CLIC2: variants seen among roughly 807,000 people sequenced by gnomAD.
The protein encoded by CLIC2 is CLIC family member 2.
In CLIC2, 9 loss-of-function variants were observed where a neutral mutation model predicts 14.8. The ratio of observed to expected loss-of-function variants is 0.61; its 90% CI spans 0.37 to 1.06. The LOEUF (loss-of-function observed/expected upper bound fraction) is 1.06, where lower values mean the gene tolerates loss of function less well. Ranked by LOEUF, CLIC2 falls within the 50% of genes least tolerant of loss-of-function variation. CLIC2 has a pLI of 0.01. For missense variants in CLIC2, 148 were observed against 181.4 expected (o/e 0.82, Z 1.06); for synonymous variants, 61 against 66.3 (o/e 0.92, Z 0.39).
At chrX:155,304,644 G>A (rs1263953619) in intron 1 of CLIC2, among the ~76,000 whole-genome samples, 1 of 103,645 alleles carries the variant, frequency 9.6e-6, no homozygotes, top group Non-Finnish European at 2.0e-5. Context: ...TCCTTTGGAG[G>A]AGGAGAGGCG....
chrX:155,285,291 G>A (rs1239480076), intron 3 of CLIC2, among the ~76,000 whole-genome samples: 1 of 111,971 alleles, frequency 8.9e-6, no homozygotes, highest in Non-Finnish European at 1.9e-5. Context: ...TGAACCAGTG[G>A]TTGTTGTGTG....
At chrX:155,290,212 A>C (rs2074959045) in intron 3 of CLIC2, 1 of 137,533 alleles carries the variant, frequency 7.3e-6, no homozygotes, top group East Asian at 2.0e-4. Context: ...ATTAATTTAA[A>C]AAGTACATAG....
chrX:155,304,094 G>A (rs782034943), intron 1 of CLIC2, among the ~76,000 whole-genome samples: 107 of 106,607 alleles, frequency 1.0e-3, no homozygotes, highest in Non-Finnish European at 1.7e-3. Context: ...TCTTTGTGGC[G>A]TTCTCTGTAT....
chrX:155,315,031 T>G, intron 1 of CLIC2, among the ~76,000 whole-genome samples: 1 of 111,166 alleles, frequency 9.0e-6, no homozygotes, highest in East Asian at 2.8e-4. Flanking sequence ...GCTTTCAAAT[T>G]AACTGAATCC....
chrX:155,313,948 C>T (rs2075084329), intron 1 of CLIC2, among the ~76,000 whole-genome samples: 1 of 111,260 alleles, frequency 9.0e-6, no homozygotes. Flanking sequence ...CTGTATGACT[C>T]AGCAGAGGCA....
At chrX:155,305,137 A>G (rs1459979836) in intron 1 of CLIC2, among the ~76,000 whole-genome samples, 7 of 111,773 alleles carry the variant, frequency 6.3e-5, no homozygotes, top group Non-Finnish European at 1.1e-4. Context: ...TGCTTTGTTT[A>G]CCTAATCAAG....
intron 3 of CLIC2, among the ~76,000 whole-genome samples, chrX:155,288,319 A>T (rs2074950327): frequency 8.9e-6 from 1 of 112,345 alleles, no homozygotes; most frequent in African/African-American, 3.2e-5. Context: ...ACTGTAAATG[A>T]TGAGTTATGC....
At position 155,305,181 on chromosome X, in the gene CLIC2, C is replaced by T. The variant is rs781968163; in HGVS notation, c.58-6036G>A. On this transcript the variant is annotated intron_variant, in intron 1 of 5. Transcript: ENST00000369449. ...ATGGCGGGCGCCCCTCCCCCAGCCT[C>T]GCTGCCACCTTGCAGTTTGATCTCA... 1.9e-3 allele frequency among the ~76,000 whole-genome samples: 216 copies of T among 112,097 alleles called. 1 individual carries two copies. The highest frequency in any genetic ancestry group is 3.0e-3 in the Non-Finnish European group (158 of 53,043).
In CLIC2 at chrX:155,299,046, C is replaced by G. The variant is rs1244029918; in HGVS notation, c.157G>C (p.Asp53His). The change falls in exon 2 of 6, where the codon GAC becomes CAC. Residue 53 changes from aspartate (D) to histidine (H), a missense_variant. By Grantham distance (81) the Asp-to-His change is moderately conservative. Transcript: ENST00000369449. ...KGVKFNVTTV[D>H]MTRKPEELKD... is the part of the protein sequence containing the mutation. Reference sequence around the variant, plus strand: ...CCTGATTTCTCTTACCTGGTCATGTCAACAGTTGTCACATTAAATTTAACT... The same window carrying G: ...CCTGATTTCTCTTACCTGGTCATGTGAACAGTTGTCACATTAAATTTAACT... The G allele has an allele frequency of 1.3e-5, 16 of 1,202,891 alleles. No individual in the cohort carries two copies. Among genetic ancestry groups the G allele is most frequent in the Non-Finnish European group, 1.8e-5 (16 of 888,839 alleles).
chrX:155,294,770 A>G, intron 3 of CLIC2, among the ~76,000 whole-genome samples: 1 of 111,990 alleles, frequency 8.9e-6, no homozygotes, highest in Non-Finnish European at 1.9e-5. Context: ...AAACTGATAA[A>G]CCTAGAGGAA....
At chrX:155,290,967 C>T (rs782626149) in intron 3 of CLIC2, 6 of 713,289 alleles carry the variant, frequency 8.4e-6, no homozygotes, top group Non-Finnish European at 1.4e-5. Context: ...TGAGAGCAAA[C>T]ATTTTTTATA....
At position 155,277,851 on chromosome X, in the gene CLIC2, C is replaced by A; in HGVS notation, c.*52G>T. 1 of 1,093,082 alleles carries A rather than the reference C, an allele frequency of 9.1e-7. No homozygotes were observed. Among genetic ancestry groups the A allele is most frequent in the South Asian group, 1.9e-5 (1 of 53,595 alleles). 90.1% of individuals were successfully genotyped at this position (1,093,082 alleles called of 1,213,427 possible). ...ATTTGCAAAAACCTTTCTAATATGT[C>A]AATAAGTAAAATCTGATCACAAATA... On this transcript the variant is annotated 3_prime_UTR_variant, in exon 6 of 6. Coordinates refer to ENST00000369449, the MANE Select transcript of CLIC2 (RefSeq NM_001289.6).
At chrX:155,280,517 ACCT>A (rs2074915049) in intron 3 of CLIC2, among the ~76,000 whole-genome samples, 1 of 110,651 alleles carries the variant, frequency 9.0e-6, no homozygotes, top group African/African-American at 3.3e-5. Context: ...ACATGGTGAA[ACCT>A]TGTCTCTACT....
chrX:155,311,425 G>A (rs906749877), intron 1 of CLIC2, among the ~76,000 whole-genome samples: 20 of 111,262 alleles, frequency 1.8e-4, no homozygotes, highest in African/African-American at 5.9e-4. Flanking sequence ...CCTTTGCTCC[G>A]GTTCCCAGCA....
chrX:155,327,016 A>G (rs781994091), intron 1 of CLIC2, among the ~76,000 whole-genome samples: 1 of 111,534 alleles, frequency 9.0e-6, no homozygotes, highest in South Asian at 3.7e-4. Context: ...ATCAATGTCA[A>G]TAATGTCCTG....
In CLIC2 at chrX:155,279,540, T is replaced by G. The variant is rs781993608; in HGVS notation, c.401-210A>C. ...AGTGAGTGTTAATCTTTTGGGCTTT[T>G]CTTAGGGAGGTGCATTGGCAGGAGA... is the stretch of plus-strand genomic sequence containing the variant. On this transcript the variant is annotated intron_variant, in intron 4 of 5. Coordinates refer to ENST00000369449, the MANE Select transcript of CLIC2 (RefSeq NM_001289.6). Among the ~76,000 whole-genome samples the G allele has an allele frequency of 4.5e-5, 5 of 111,804 alleles. No individual in the cohort carries two copies. In the East Asian group the frequency reaches 8.4e-4, roughly 19 times the overall value.
At chrX:155,305,583 C>T (rs2075052560) in intron 1 of CLIC2, among the ~76,000 whole-genome samples, 1 of 112,539 alleles carries the variant, frequency 8.9e-6, no homozygotes, top group Admixed American at 9.4e-5. Context: ...TCCTATTCGG[C>T]CATCTTGGCT....
At chrX:155,284,471 C>T (rs1447880104) in intron 3 of CLIC2, among the ~76,000 whole-genome samples, 1 of 110,448 alleles carries the variant, frequency 9.1e-6, no homozygotes, top group Non-Finnish European at 1.9e-5. Flanking sequence ...GTTGGTCAGG[C>T]TGGTCTCGAA....
At position 155,302,537 on chromosome X, in the gene CLIC2, G is replaced by C. The variant is rs2075024215; in HGVS notation, c.58-3392C>G. ...GACCCTTTCAAAAAACCACCTCCTGGATTCATTGATTTTTTGAAGGGTTTT... is the reference window on the plus strand; with the variant it reads ...GACCCTTTCAAAAAACCACCTCCTGCATTCATTGATTTTTTGAAGGGTTTT... On this transcript the variant is annotated intron_variant, in intron 1 of 5. Transcript: ENST00000369449. Among the ~76,000 whole-genome samples the C allele has an allele frequency of 5.7e-5, 5 of 88,002 alleles. No individual in the cohort carries two copies. In the South Asian group the frequency reaches 3.3e-3, roughly 58 times the overall value. The allele number at this position is 88,002 out of a possible 115,157, so 76.4% of individuals were successfully genotyped here.
Sources: allele counts gnomAD v4.1 joint callset (sites outside exome capture counted in the v4.1 genomes callset), GRCh38; gene constraint gnomAD v4.1.1; transcripts MANE v1.5; gene names NCBI Gene and HGNC (gene_info 2026-07-23, HGNC 2026-07-21).